ADAMTS2: variants seen among roughly 807,000 people sequenced by gnomAD.
ADAMTS2 encodes the protein A disintegrin and metalloproteinase with thrombospondin motifs 2.
In ADAMTS2, 50 loss-of-function variants were observed where a neutral mutation model predicts 123.0. That is an observed-to-expected ratio of 0.41 (90% confidence interval 0.32 to 0.51). The LOEUF (loss-of-function observed/expected upper bound fraction) is 0.51. ADAMTS2 is among the 20% of genes least tolerant of loss of function. The pLI is 0.35. For synonymous variants in ADAMTS2, 678 were observed against 695.4 expected, an observed-to-expected ratio of 0.98 and a Z score of 0.39; for missense variants, 1,494 against 1,705.2, an observed-to-expected ratio of 0.88 and a Z score of 2.18.
At chr5:179,148,383 G>A (rs10065978) in intron 10 of ADAMTS2, among the ~76,000 whole-genome samples, 93,648 of 151,970 alleles carry the variant, frequency 0.62, 28,935 homozygotes, top group South Asian at 0.64. Flanking sequence ...CCCAGGAACA[G>A]TCCCCTTTCC....
intron 2 of ADAMTS2, among the ~76,000 whole-genome samples, chr5:179,273,883 C>A (rs1288364860): frequency 2.6e-5 from 4 of 152,070 alleles, no homozygotes; most frequent in African/African-American, 9.7e-5. Context: ...TTGGCCTGCC[C>A]CACCCTCCCA....
intron 2 of ADAMTS2, among the ~76,000 whole-genome samples, chr5:179,306,128 T>C (rs988722431): frequency 6.6e-6 from 1 of 151,510 alleles, no homozygotes; most frequent in Non-Finnish European, 1.5e-5. Context: ...ACAAAGACAG[T>C]TCAATAAAAA....
At chr5:179,131,500 G>A (rs1478735034) in intron 15 of ADAMTS2, among the ~76,000 whole-genome samples, 1 of 152,126 alleles carries the variant, frequency 6.6e-6, no homozygotes, top group Non-Finnish European at 1.5e-5. Context: ...GCCTCCTGGG[G>A]ATGGGGATGA....
At position 179,222,344 on chromosome 5, in the gene ADAMTS2, GA is replaced by G. The variant is rs551983853; in HGVS notation, c.689-14630del. On this transcript the variant is annotated intron_variant, in intron 3 of 21. Transcript: ENST00000251582. ...GAAATCAGAAATCAGAGTGAGTGCT[GA>G]GTCCTGAAAATTTAATCCCCAAGGC... Among the ~76,000 whole-genome samples the G allele has an allele frequency of 1.3e-3, 191 of 152,302 alleles. 1 individual carries two copies. The highest frequency in any genetic ancestry group is 4.5e-3 in the African/African-American group (185 of 41,570).
chr5:179,121,336 A>ACC (rs556972809), intron 21 of ADAMTS2: 1 of 190,388 alleles, frequency 5.3e-6, no homozygotes, highest in African/African-American at 2.4e-5. Flanking sequence ...GAGACCGCGA[A>ACC]CCCCCCCGGG....
rs1323137599 is a variant in ADAMTS2, at chr5:179,132,179, C to T, written c.2290+51G>A. The T allele has an allele frequency of 3.6e-5, 56 of 1,573,600 alleles. No individual in the cohort carries two copies. The highest frequency in any genetic ancestry group is 4.7e-5 in the Non-Finnish European group (54 of 1,145,836). On this transcript the variant is annotated intron_variant, in intron 15 of 21. Coordinates refer to ENST00000251582, the MANE Select transcript of ADAMTS2 (RefSeq NM_014244.5). This position sits in a 1 kb window ranked among gnomAD's most constrained non-coding sequence, Gnocchi z 6.1. The stretch of plus-strand genomic sequence containing the variant: ...ACCCCTGGCACTCTGCCCATTGATC[C>T]CAGAGGAGCCAGGTCCTGAGGACGT...
intron 21 of ADAMTS2, among the ~76,000 whole-genome samples, chr5:179,119,097 C>T (rs924331943): frequency 6.6e-6 from 1 of 152,248 alleles, no homozygotes; most frequent in Non-Finnish European, 1.5e-5. Context: ...CTGTAGGCGG[C>T]GTCTCTAGCT....
chr5:179,189,070 C>T lies in ADAMTS2; in HGVS notation c.892-7915G>A, dbSNP rs1366995837. Among the ~76,000 whole-genome samples the T allele has an allele frequency of 2.0e-5, 3 of 152,196 alleles. No individual in the cohort carries two copies. The highest frequency in any genetic ancestry group is 6.5e-5 in the Admixed American group (1 of 15,284). On this transcript the variant is annotated intron_variant, in intron 4 of 21. Transcript: ENST00000251582. This position sits in a 1 kb window ranked among gnomAD's most constrained non-coding sequence, Gnocchi z 4.2. Reference sequence around the variant, plus strand: ...GCTCTGCCACAATCCTGCTGCGTGACTTGGGGCCAGTTACTTAACCTGTCT... The same window carrying T: ...GCTCTGCCACAATCCTGCTGCGTGATTTGGGGCCAGTTACTTAACCTGTCT...
At chr5:179,217,877 A>ATAGG (rs376851096) in intron 3 of ADAMTS2, among the ~76,000 whole-genome samples, 60 of 86,418 alleles carry the variant, frequency 6.9e-4, no homozygotes, top group African/African-American at 2.1e-3. Flanking sequence ...CTGAGGGCAG[A>ATAGG]CGGCACACTC....
At chr5:179,217,238 A>G in intron 3 of ADAMTS2, among the ~76,000 whole-genome samples, 1 of 152,230 alleles carries the variant, frequency 6.6e-6, no homozygotes, top group South Asian at 2.1e-4. Flanking sequence ...TTAAAAACAG[A>G]GTGCCAAGTG....
intron 3 of ADAMTS2, among the ~76,000 whole-genome samples, chr5:179,215,260 C>T (rs566936240): frequency 2.2e-4 from 33 of 152,228 alleles, no homozygotes; most frequent in African/African-American, 7.7e-4. Context: ...ACCAGCCTGA[C>T]CAATATGGAG....
chr5:179,130,139 A>G lies in ADAMTS2; in HGVS notation c.2291-41T>C. On this transcript the variant is annotated intron_variant, in intron 15 of 21. Transcript: ENST00000251582. The surrounding 1 kb of genome is among the most constrained non-coding windows in gnomAD (Gnocchi z 4.3). ...CCAAGTCCCCCGTTGTGGTCACCCA[A>G]GAGCAGGACCCAGGCCCACTGGTTT... is the stretch of plus-strand genomic sequence containing the variant. The G allele has an allele frequency of 6.2e-7, 1 of 1,613,198 alleles. No homozygotes were observed. The highest frequency in any genetic ancestry group is 8.5e-7 in the Non-Finnish European group (1 of 1,179,828).
In ADAMTS2 at chr5:179,234,911, C is replaced by T. The variant is rs1210474010; in HGVS notation, c.689-27196G>A. ...AGCCTAGCAGACCCGTGCGGGAGTG[C>T]GAGCACACTGGCTAGGGCCTCCTGA... On this transcript the variant is annotated intron_variant, in intron 3 of 21. Transcript: ENST00000251582. This position sits in a 1 kb window ranked among gnomAD's most constrained non-coding sequence, Gnocchi z 4.7. Among the ~76,000 whole-genome samples the T allele has an allele frequency of 2.0e-5, 3 of 152,338 alleles. No individual in the cohort carries two copies. The highest frequency in any genetic ancestry group is 1.9e-4 in the East Asian group (1 of 5,174).
intron 5 of ADAMTS2, among the ~76,000 whole-genome samples, chr5:179,179,210 GT>G (rs1763994634): frequency 1.3e-5 from 2 of 150,884 alleles, no homozygotes; most frequent in African/African-American, 4.9e-5. Flanking sequence ...GCCTCCCAAA[GT>G]GCTAGGATTA....
At chr5:179,153,959 C>T in intron 8 of ADAMTS2, 90 bp downstream of exon 8, 1 of 1,512,300 alleles carries the variant, frequency 6.6e-7, no homozygotes, top group Non-Finnish European at 8.9e-7. Flanking sequence ...GGTCGGAGGG[C>T]TCTGGCTCTG....
In ADAMTS2 at chr5:179,260,768, T is replaced by C. The variant is rs1020321763; in HGVS notation, c.688+12143A>G. On this transcript the variant is annotated intron_variant, in intron 3 of 21. Transcript: ENST00000251582. This position sits in a 1 kb window ranked among gnomAD's most constrained non-coding sequence, Gnocchi z 4.2. ...TCATTACAAGAATCCTAGGAGATGATGTACCTGCAGCGTGCTGGCAGACGC... is the reference window on the plus strand; with the variant it reads ...TCATTACAAGAATCCTAGGAGATGACGTACCTGCAGCGTGCTGGCAGACGC... 3.3e-5 allele frequency among the ~76,000 whole-genome samples: 5 copies of C among 152,228 alleles called. No individual in the cohort carries two copies. The highest frequency in any genetic ancestry group is 9.6e-5 in the African/African-American group (4 of 41,456).
chr5:179,230,933 C>G (rs986364081), intron 3 of ADAMTS2, among the ~76,000 whole-genome samples: 7 of 151,936 alleles, frequency 4.6e-5, no homozygotes, highest in African/African-American at 1.7e-4. Context: ...ATGGCTTGAA[C>G]CCGGGAGGCG....
chr5:179,275,183 G>C (rs1476745105), intron 2 of ADAMTS2, among the ~76,000 whole-genome samples: 2 of 152,280 alleles, frequency 1.3e-5, no homozygotes, highest in South Asian at 2.1e-4. Context: ...GGCTGCGGCA[G>C]GGGGAATGGG....
chr5:179,277,082 A>G (rs1766717884), intron 2 of ADAMTS2, among the ~76,000 whole-genome samples: 2 of 152,024 alleles, frequency 1.3e-5, no homozygotes, highest in African/African-American at 4.8e-5. Flanking sequence ...GCCTCCTGGA[A>G]GGGCACCCCT....
Sources: allele counts gnomAD v4.1 joint callset (sites outside exome capture counted in the v4.1 genomes callset), GRCh38; gene constraint gnomAD v4.1.1; non-coding constraint Gnocchi (gnomAD v3.1); transcripts MANE v1.5; gene names NCBI Gene and HGNC (gene_info 2026-07-23, HGNC 2026-07-21).